FCMR: variants seen among roughly 807,000 people sequenced by gnomAD.
FCMR encodes immunoglobulin mu Fc receptor.
FCMR carries 34 observed loss-of-function variants against 41.6 expected under a neutral mutation model. The ratio of observed to expected loss-of-function variants is 0.82; its 90% CI spans 0.62 to 1.09. FCMR has a LOEUF of 1.09. Among genes scored for constraint, FCMR ranks in the 50% least tolerant of loss-of-function variants. The pLI is 0.00. For synonymous variants in FCMR, 209 were observed against 211.8 expected, an observed-to-expected ratio of 0.99 and a Z score of 0.12; for missense variants, 496 against 512.5, an observed-to-expected ratio of 0.97 and a Z score of 0.31.
intron 1 of FCMR, among the ~76,000 whole-genome samples, chr1:206,918,153 G>T (rs1290501513): frequency 1.3e-5 from 2 of 152,086 alleles, no homozygotes; most frequent in East Asian, 3.9e-4. Context: ...TCACCTCTTT[G>T]TCTTCATTTC....
intron 2 of FCMR, 113 bp from the exon 3 acceptor site, chr1:206,913,155 T>C: frequency 2.5e-6 from 2 of 800,998 alleles, no homozygotes; most frequent in South Asian, 1.5e-5. Flanking sequence ...GAGGGCAGGG[T>C]CCACTGAAAG....
intron 7 of FCMR, among the ~76,000 whole-genome samples, chr1:206,908,700 C>A (rs753741021): frequency 6.6e-6 from 1 of 151,788 alleles, no homozygotes; most frequent in Non-Finnish European, 1.5e-5. Flanking sequence ...ATTTTGTAAT[C>A]AGGATCAAAT....
intron 1 of FCMR, among the ~76,000 whole-genome samples, chr1:206,920,005 C>G (rs1366626772): frequency 6.6e-6 from 1 of 152,182 alleles, no homozygotes; most frequent in African/African-American, 2.4e-5. Flanking sequence ...TAATAGGAAG[C>G]CACTTTAATC....
At position 206,909,912 on chromosome 1, in the gene FCMR, A is replaced by G. The variant is rs1572620928; in HGVS notation, c.842-44T>C. 7.3e-7 allele frequency: 1 copy of G among 1,369,782 alleles called. No homozygotes were observed. The highest frequency in any genetic ancestry group is 9.4e-7 in the Non-Finnish European group (1 of 1,063,274). The allele number at this position is 1,369,782 out of a possible 1,614,324, so 84.9% of individuals were successfully genotyped here. A position where few individuals can be genotyped will look rare whatever the true frequency, so the allele number is the denominator to read the frequency against. ...GGAAGAGGGAGGAAAATGGCATCAG[A>G]GGCCCGTGCCACCCTCCCCAAACGA... On this transcript the variant is annotated intron_variant, in intron 5 of 7. Transcript: ENST00000367091. The surrounding 1 kb of genome is among the most constrained non-coding windows in gnomAD (Gnocchi z 5.0).
chr1:206,914,151 C>T (rs1007137671), intron 1 of FCMR, 57 bp from the exon 2 acceptor site: 2 of 1,345,290 alleles, frequency 1.5e-6, no homozygotes, highest in African/African-American at 1.4e-5. Context: ...TATCCCAGCC[C>T]CATCTACTTC....
rs1678488078 is a variant in FCMR at position 206,903,578 on chromosome 1, A to C, written c.*1441T>G. ...CTTCTGATATCTGCAGGGACAGAGCATTGGGGTGGGGGTAAGGTGCATCTG... is the reference window on the plus strand; with the variant it reads ...CTTCTGATATCTGCAGGGACAGAGCCTTGGGGTGGGGGTAAGGTGCATCTG... On this transcript the variant is annotated 3_prime_UTR_variant, in exon 8 of 8. Coordinates refer to ENST00000367091, the MANE Select transcript of FCMR (RefSeq NM_005449.5). 1.3e-5 allele frequency: 2 copies of C among 155,224 alleles called. No homozygotes were observed. The highest frequency in any genetic ancestry group is 3.9e-4 in the South Asian group (2 of 5,090). 9.6% of individuals were successfully genotyped at this position (155,224 alleles called of 1,614,324 possible). A position where few individuals can be genotyped will look rare whatever the true frequency, so the allele number is the denominator to read the frequency against.
At position 206,921,935 on chromosome 1, in the gene FCMR, A is replaced by C. The variant is rs910316155; in HGVS notation, c.-81T>G. On this transcript the variant is annotated 5_prime_UTR_variant, in exon 1 of 8. Transcript: ENST00000367091. The stretch of plus-strand genomic sequence containing the variant: ...CACGCTGCTTACTCAGGAACCCTTC[A>C]CAATCTGGAACTGGAAAGAGATTTC... 2.4e-6 allele frequency: 3 copies of C among 1,253,058 alleles called. No individual in the cohort carries two copies. The African/African-American group carries it at 4.5e-5, about 19-fold the overall frequency. 77.6% of individuals were successfully genotyped at this position (1,253,058 alleles called of 1,614,324 possible). A position where few individuals can be genotyped will look rare whatever the true frequency, so the allele number is the denominator to read the frequency against.
In FCMR at chr1:206,909,326, G is replaced by A. The variant is rs1056568890; in HGVS notation, c.1044+136C>T. 2.3e-6 allele frequency: 1 copy of A among 435,550 alleles called. No homozygotes were observed. Among genetic ancestry groups the A allele is most frequent in the African/African-American group, 2.0e-5 (1 of 49,154 alleles). The allele number at this position is 435,550 out of a possible 1,614,324, so 27.0% of individuals were successfully genotyped here. On this transcript the variant is annotated intron_variant, in intron 7 of 7. Transcript: ENST00000367091. The surrounding 1 kb of genome is among the most constrained non-coding windows in gnomAD (Gnocchi z 5.0). The stretch of plus-strand genomic sequence containing the variant: ...TAAAACAACTTGTTCCTCGGCTCAG[G>A]GCCCAGGAGCTGCTGGGAAACCCGC...
Position 206,911,875 on chromosome 1 carries a change from G to C in FCMR, c.565C>G (p.Arg189Gly). The C allele has an allele frequency of 1.2e-6, 2 of 1,608,710 alleles. No individual in the cohort carries two copies. The highest frequency in any genetic ancestry group is 2.2e-5 in the South Asian group (2 of 90,206). ...GCTACTGAAGATGCTCTGGACACTC[G>C]AGGGCGGTGGGTGATTTGGGTGGTG... ...SPTTQITHRP[R>G]VSRASSVAGD... Residue 189 changes from arginine to glycine, a missense_variant, in exon 4 of 8, where the codon CGA becomes GGA. Arg to Gly is a moderately radical substitution (Grantham distance 125). Coordinates refer to ENST00000367091, the MANE Select transcript of FCMR (RefSeq NM_005449.5).
chr1:206,905,112 C>T lies in FCMR; in HGVS notation c.1080G>A (p.Leu360=), dbSNP rs1000038588. ...GGCTCACGTATTCACAGCTGGTCTT[C>T]AGAGATGGGGCATGGAGCCAGGGAG... ...SESPWLHAPS[L]KTSCEYVSLY... is the part of the protein sequence containing the mutation. Residue 360 remains leucine (L), a synonymous_variant, in exon 8 of 8, where the codon CTG becomes CTA. Transcript: ENST00000367091. The T allele has an allele frequency of 1.9e-6, 3 of 1,613,860 alleles. No individual in the cohort carries two copies. In the African/African-American group the frequency reaches 4.0e-5, roughly 22 times the overall value.
rs779124041 is a variant in FCMR at position 206,921,888 on chromosome 1, C to A, written c.-34G>T. 4 of 1,609,770 alleles carry A rather than the reference C, an allele frequency of 2.5e-6. No homozygotes were observed. In the South Asian group the frequency reaches 3.3e-5, roughly 13 times the overall value. On this transcript the variant is annotated 5_prime_UTR_variant, in exon 1 of 8. Coordinates refer to ENST00000367091, the MANE Select transcript of FCMR (RefSeq NM_005449.5). ...CTAGAGTGCAAGGTCCATCCAAGAG[C>A]CCCTAGAGAGGGGGATGGAGACACG...
Position 206,909,568 on chromosome 1 carries a change from C to A in FCMR, c.986-48G>T. ...TGAGGCGGCGGCCGAGGCTCCCGCCCCACCGTCATGCTACTACTCCCAGCT... is the reference window on the plus strand; with the variant it reads ...TGAGGCGGCGGCCGAGGCTCCCGCCACACCGTCATGCTACTACTCCCAGCT... On this transcript the variant is annotated intron_variant, in intron 6 of 7. Transcript: ENST00000367091. This position sits in a 1 kb window ranked among gnomAD's most constrained non-coding sequence, Gnocchi z 5.0. 7.8e-7 allele frequency: 1 copy of A among 1,289,202 alleles called. No individual in the cohort carries two copies. Among genetic ancestry groups the A allele is most frequent in the Non-Finnish European group, 9.9e-7 (1 of 1,007,978 alleles). 79.9% of individuals were successfully genotyped at this position (1,289,202 alleles called of 1,614,324 possible).
chr1:206,906,102 C>A, intron 7 of FCMR: 1 of 436,938 alleles, frequency 2.3e-6, no homozygotes, highest in Non-Finnish European at 4.6e-6. Flanking sequence ...CTAATAAGCA[C>A]ATGTTGGTAG....
At chr1:206,912,512 T>G (rs776073494) in intron 3 of FCMR, among the ~76,000 whole-genome samples, 1 of 152,250 alleles carries the variant, frequency 6.6e-6, no homozygotes, top group Non-Finnish European at 1.5e-5. Flanking sequence ...ATCTTTTAGT[T>G]GCAAAATAGA....
chr1:206,921,733 G>C (rs1679448487), intron 1 of FCMR, 85 bp downstream of exon 1: 1 of 1,288,724 alleles, frequency 7.8e-7, no homozygotes, highest in Non-Finnish European at 1.1e-6. Context: ...AGAAACATCA[G>C]AGCTAGAGCT....
intron 2 of FCMR, 145 bp downstream of exon 2, chr1:206,913,614 T>A: frequency 3.1e-6 from 2 of 652,194 alleles, no homozygotes; most frequent in South Asian, 1.9e-5. Flanking sequence ...GACTATGAGG[T>A]TTCATATGGA....
At chr1:206,922,676 G>A (rs1366390244), upstream of FCMR, among the ~76,000 whole-genome samples, 4 of 152,208 alleles carry the variant, frequency 2.6e-5, no homozygotes, top group Admixed American at 2.6e-4. Flanking sequence ...GCCAGAACTG[G>A]GGTGTGACAG....
intron 2 of FCMR, among the ~76,000 whole-genome samples, chr1:206,913,341 A>G (rs1679025613): frequency 6.6e-6 from 1 of 152,240 alleles, no homozygotes; most frequent in Non-Finnish European, 1.5e-5. Flanking sequence ...TTCCAGAGAA[A>G]TAAAGGATCA....
chr1:206,905,151 G>A lies in FCMR; in HGVS notation c.1045-4C>T, dbSNP rs762407976. ...GGAGCCAGGGAGATTCAGACACCTGGGGACAATGAAAGAAGCATCACTGGA... is the reference window on the plus strand; with the variant it reads ...GGAGCCAGGGAGATTCAGACACCTGAGGACAATGAAAGAAGCATCACTGGA... On this transcript the variant is annotated splice_region_variant and splice_polypyrimidine_tract_variant and intron_variant, in intron 7 of 7. Coordinates refer to ENST00000367091, the MANE Select transcript of FCMR (RefSeq NM_005449.5). The A allele has an allele frequency of 7.4e-6, 12 of 1,613,886 alleles. No individual in the cohort carries two copies. Among genetic ancestry groups the A allele is most frequent in the African/African-American group, 1.3e-5 (1 of 74,894 alleles).
Sources: gnomAD v4.1 joint callset for allele counts (sites outside exome capture counted in the v4.1 genomes callset) on GRCh38, gnomAD v4.1.1 for gene constraint, Gnocchi (gnomAD v3.1) non-coding constraint, MANE v1.5 for transcripts, NCBI Gene and HGNC (gene_info 2026-07-23, HGNC 2026-07-21) for gene names.